The following VPS35 variants were observed in gnomAD, a reference collection of about 807,000 sequenced individuals.
VPS35 encodes VPS35 retromer complex component.
VPS35 carries 21 observed loss-of-function variants against 98.1 expected under a neutral mutation model. The observed-to-expected ratio is 0.21, with a 90% confidence interval of 0.15 to 0.31. The LOEUF (loss-of-function observed/expected upper bound fraction) is 0.31, where lower values mean the gene tolerates loss of function less well. Ranked by LOEUF, VPS35 falls within the 10% of genes least tolerant of loss-of-function variation. VPS35 has a pLI of 1.00. For synonymous variants in VPS35, 268 were observed against 318.2 expected, an observed-to-expected ratio of 0.84 and a Z score of 1.68; for missense variants, 554 against 950.8, an observed-to-expected ratio of 0.58 and a Z score of 5.49.
At chr16:46,666,421 A>AC (rs1459634901) in intron 13 of VPS35, among the ~76,000 whole-genome samples, 4 of 152,048 alleles carry the variant, frequency 2.6e-5, no homozygotes, top group African/African-American at 7.2e-5. Context: ...GGCATGCGCC[A>AC]CCACGCCCAG....
chr16:46,660,820 C>CAAAAAAA lies in VPS35; in HGVS notation c.2212-176_2212-170dup, dbSNP rs33973421. 429 of 339,756 alleles carry CAAAAAAA rather than the reference C, an allele frequency of 1.3e-3. 2 individuals carry two copies. Among genetic ancestry groups the CAAAAAAA allele is most frequent in the Middle Eastern group, 3.1e-3 (3 of 978 alleles). 21.0% of individuals were successfully genotyped at this position (339,756 alleles called of 1,614,324 possible). A position where few individuals can be genotyped will look rare whatever the true frequency, so the allele number is the denominator to read the frequency against. On this transcript the variant is annotated intron_variant, in intron 16 of 16. Coordinates refer to ENST00000299138, the MANE Select transcript of VPS35 (RefSeq NM_018206.6). Reference sequence around the variant, plus strand: ...CCTAGTTTGAACAATTACTGACTATCAAAAAAAAAAAAAAAAAAACAACCC... The same window carrying CAAAAAAA: ...CCTAGTTTGAACAATTACTGACTATCAAAAAAAAAAAAAAAAAAAAAAAAAACAACCC...
chr16:46,682,019 T>C, intron 3 of VPS35, 60 bp downstream of exon 3: 1 of 1,308,122 alleles, frequency 7.6e-7, no homozygotes, highest in Non-Finnish European at 1.1e-6. Context: ...ACAAACAAAA[T>C]AGGCCTTATC....
intron 3 of VPS35, 80 bp from the exon 4 acceptor site, chr16:46,681,580 A>T (rs1300810598): frequency 6.7e-7 from 1 of 1,501,516 alleles, no homozygotes; most frequent in Non-Finnish European, 9.2e-7. Flanking sequence ...GTCATTACTA[A>T]CTACTGGGCA....
intron 1 of VPS35, among the ~76,000 whole-genome samples, chr16:46,685,270 A>C (rs1444613885): frequency 6.6e-6 from 1 of 152,244 alleles, no homozygotes; most frequent in East Asian, 1.9e-4. Flanking sequence ...TCAACCTGCA[A>C]GTAAAATCTG....
In VPS35 at chr16:46,661,082, G is replaced by C; in HGVS notation, c.2212-431C>G. On this transcript the variant is annotated intron_variant, in intron 16 of 16. Coordinates refer to ENST00000299138, the MANE Select transcript of VPS35 (RefSeq NM_018206.6). The surrounding 1 kb of genome is among the most constrained non-coding windows in gnomAD (Gnocchi z 4.3). ...GAATTGCTTGAACCTGGGAGGCAGA[G>C]GTTGCAATGAGCTGAGATTGCCACT... 1 of 304,766 alleles carries C rather than the reference G, an allele frequency of 3.3e-6. No individual in the cohort carries two copies. The highest frequency in any genetic ancestry group is 6.4e-6 in the Non-Finnish European group (1 of 155,402). The allele number at this position is 304,766 out of a possible 1,614,324, so 18.9% of individuals were successfully genotyped here. A position where few individuals can be genotyped will look rare whatever the true frequency, so the allele number is the denominator to read the frequency against.
chr16:46,660,303 A>G lies in VPS35; in HGVS notation c.*169T>C. 1 of 609,298 alleles carries G rather than the reference A, an allele frequency of 1.6e-6. No homozygotes were observed. Among genetic ancestry groups the G allele is most frequent in the South Asian group, 1.9e-5 (1 of 52,226 alleles). The allele number at this position is 609,298 out of a possible 1,614,324, so 37.7% of individuals were successfully genotyped here. ...CACTTACCAAGTGAATAATTTTATTAAGGTCCTGAAGGTGAGTGTCCGGAG... is the reference window on the plus strand; with the variant it reads ...CACTTACCAAGTGAATAATTTTATTGAGGTCCTGAAGGTGAGTGTCCGGAG... On this transcript the variant is annotated 3_prime_UTR_variant, in exon 17 of 17. Transcript: ENST00000299138.
At position 46,659,764 on chromosome 16, in the gene VPS35, A is replaced by G. The variant is rs1209657501; in HGVS notation, c.*708T>C. The G allele has an allele frequency of 6.6e-6, 1 of 152,204 alleles. No individual in the cohort carries two copies. Among genetic ancestry groups the G allele is most frequent in the Non-Finnish European group, 1.5e-5 (1 of 68,034 alleles). 9.4% of individuals were successfully genotyped at this position (152,204 alleles called of 1,614,324 possible). Reference sequence around the variant, plus strand: ...TCCTGCTAAATTTACAATGAAGGTGATACATAAATTATATAGATCACAAGT... The same window carrying G: ...TCCTGCTAAATTTACAATGAAGGTGGTACATAAATTATATAGATCACAAGT... On this transcript the variant is annotated 3_prime_UTR_variant, in exon 17 of 17. Transcript: ENST00000299138.
chr16:46,683,335 G>C (rs1198632437), intron 2 of VPS35, 173 bp downstream of exon 2: 1 of 660,198 alleles, frequency 1.5e-6, no homozygotes, highest in Non-Finnish European at 2.7e-6. Context: ...GAGTAAACAG[G>C]GCTCTTTGTT....
At chr16:46,678,305 TAAAAAA>T (rs58288436) in intron 6 of VPS35, among the ~76,000 whole-genome samples, 1 of 119,394 alleles carries the variant, frequency 8.4e-6, no homozygotes, top group Admixed American at 8.3e-5. Context: ...TGATGAGCTT[TAAAAAA>T]AAAAAAAAAA....
chr16:46,669,184 A>T, intron 12 of VPS35, 132 bp from the exon 13 acceptor site: 7 of 1,141,204 alleles, frequency 6.1e-6, no homozygotes, highest in Non-Finnish European at 9.0e-6. Context: ...ATGGTAGGCA[A>T]TTTACATATT....
rs1965858180 is a variant in VPS35, at chr16:46,658,092, T to C, written c.*2380A>G. 1 of 152,250 alleles carries C rather than the reference T, an allele frequency of 6.6e-6. No individual in the cohort carries two copies. Among genetic ancestry groups the C allele is most frequent in the African/African-American group, 2.4e-5 (1 of 41,460 alleles). 9.4% of individuals were successfully genotyped at this position (152,250 alleles called of 1,614,324 possible). A position where few individuals can be genotyped will look rare whatever the true frequency, so the allele number is the denominator to read the frequency against. ...TGCTAAGTCAATTTCTAAATATCTATTTCACTACAGGCAGCCAAGAGTATA... is the reference window on the plus strand; with the variant it reads ...TGCTAAGTCAATTTCTAAATATCTACTTCACTACAGGCAGCCAAGAGTATA... On this transcript the variant is annotated 3_prime_UTR_variant, in exon 17 of 17. Transcript: ENST00000299138.
At position 46,678,305 on chromosome 16, in the gene VPS35, TAAAAAAAAAAAAAAAAAAAA is replaced by T. The variant is rs58288436; in HGVS notation, c.720+618_720+637del. 1.1e-4 allele frequency among the ~76,000 whole-genome samples: 13 copies of T among 119,398 alleles called. No individual in the cohort carries two copies. In the South Asian group the frequency reaches 3.2e-3, roughly 29 times the overall value. The allele number at this position is 119,398 out of a possible 152,430, so 78.3% of individuals were successfully genotyped here. A position where few individuals can be genotyped will look rare whatever the true frequency, so the allele number is the denominator to read the frequency against. On this transcript the variant is annotated intron_variant, in intron 6 of 16. Coordinates refer to ENST00000299138, the MANE Select transcript of VPS35 (RefSeq NM_018206.6). ...TAAAATACACTTAGCTGATGAGCTT[TAAAAAAAAAAAAAAAAAAAA>T]AAAAAAAAAGCAAAAAATCTCATGT...
chr16:46,677,541 CT>C (rs1966170373), intron 6 of VPS35, 143 bp from the exon 7 acceptor site: 1 of 729,572 alleles, frequency 1.4e-6, no homozygotes. Context: ...ACTTTAAAAG[CT>C]TTTTTCTTTT....
At chr16:46,682,338 T>C (rs1966247713) in intron 2 of VPS35, 163 bp from the exon 3 acceptor site, 6 of 618,496 alleles carry the variant, frequency 9.7e-6, no homozygotes, top group African/African-American at 1.9e-5. Flanking sequence ...TCGGTTCACC[T>C]TGCCGTCTCT....
intron 13 of VPS35, among the ~76,000 whole-genome samples, chr16:46,665,664 A>C (rs1225723051): frequency 6.6e-6 from 1 of 151,476 alleles, no homozygotes; most frequent in Non-Finnish European, 1.5e-5. Flanking sequence ...AAGAAATGCT[A>C]GTAAATAAGT....
rs192817610 is a variant in VPS35 at position 46,680,665 on chromosome 16, A to G, written c.506+6T>C. The G allele has an allele frequency of 9.3e-6, 15 of 1,613,222 alleles. No homozygotes were observed. Among genetic ancestry groups the G allele is most frequent in the Non-Finnish European group, 1.2e-5 (14 of 1,179,556 alleles). On this transcript the variant is annotated splice_donor_region_variant and intron_variant, in intron 5 of 16. Coordinates refer to ENST00000299138, the MANE Select transcript of VPS35 (RefSeq NM_018206.6). The stretch of plus-strand genomic sequence containing the variant: ...TGCAACAAAATTAAGAAAGAAAATC[A>G]CTTACTCTGTTGGCTCTCCTTCATC...
intron 1 of VPS35, chr16:46,688,912 G>A (rs1456922748): frequency 6.9e-7 from 1 of 1,457,990 alleles, no homozygotes; most frequent in Non-Finnish European, 9.0e-7. Flanking sequence ...CCGTCTCTCA[G>A]CAACGGCCGC....
chr16:46,683,652 G>A (rs1261580123), intron 1 of VPS35, 46 bp from the exon 2 acceptor site: 1 of 1,494,644 alleles, frequency 6.7e-7, no homozygotes, highest in African/African-American at 1.4e-5. Flanking sequence ...CATTCTTCTA[G>A]CAAGTACGTT....
rs578092712 is a variant in VPS35 at position 46,672,954 on chromosome 16, T to C, written c.1161-482A>G. On this transcript the variant is annotated intron_variant, in intron 10 of 16. Transcript: ENST00000299138. Reference sequence around the variant, plus strand: ...GGTGATTAAGGAAAAGCAGGCTGACTGACTTTTACGTAGTTGTTAGTAAAA... The same window carrying C: ...GGTGATTAAGGAAAAGCAGGCTGACCGACTTTTACGTAGTTGTTAGTAAAA... Among the ~76,000 whole-genome samples the C allele has an allele frequency of 6.6e-5, 10 of 152,346 alleles. No individual in the cohort carries two copies. The East Asian group carries it at 1.9e-3, about 29-fold the overall frequency.
Sources: gnomAD v4.1 joint callset for allele counts (sites outside exome capture counted in the v4.1 genomes callset) on GRCh38, gnomAD v4.1.1 for gene constraint, Gnocchi (gnomAD v3.1) non-coding constraint, MANE v1.5 for transcripts, NCBI Gene and HGNC (gene_info 2026-07-23, HGNC 2026-07-21) for gene names.